Variants in IFI27L1 observed in about 807,000 individuals in gnomAD.
The protein encoded by IFI27L1 is interferon alpha-inducible protein 27-like protein 1.
A neutral mutation model predicts 9.2 loss-of-function variants in IFI27L1; 3 were observed. The observed-to-expected ratio is 0.32, with a 90% CI of 0.15 to 0.84. The LOEUF is 0.84. IFI27L1 is among the 40% of genes least tolerant of loss of function. The pLI, the probability that IFI27L1 is intolerant of heterozygous loss-of-function variation, is 0.56. For missense variants in IFI27L1, 133 were observed against 134.2 expected (o/e 0.99, Z 0.05); for synonymous variants, 53 against 50.0 (o/e 1.06, Z -0.26).
intron 2 of IFI27L1, among the ~76,000 whole-genome samples, chr14:94,097,919 A>G (rs536698905): frequency 2.0e-5 from 3 of 152,186 alleles, no homozygotes; most frequent in South Asian, 2.1e-4. Context: ...GAGCACATCA[A>G]TCTGCAAGTC....
intron 3 of IFI27L1, 190 bp downstream of exon 3, chr14:94,100,961 T>C: frequency 3.0e-6 from 2 of 658,744 alleles, no homozygotes; most frequent in South Asian, 1.8e-5. Context: ...GCACAGGGCT[T>C]TGGAGGCAGC....
chr14:94,100,647 A>C, intron 2 of IFI27L1, 92 bp from the exon 3 acceptor site: 1 of 1,599,066 alleles, frequency 6.3e-7, no homozygotes, highest in Middle Eastern at 1.9e-4. Flanking sequence ...AGAATAGCAA[A>C]GTTGAATTTG....
intron 1 of IFI27L1, among the ~76,000 whole-genome samples, chr14:94,082,397 G>A (rs576506051): frequency 1.3e-5 from 2 of 151,836 alleles, no homozygotes; most frequent in South Asian, 4.1e-4. Context: ...GCTGCAGCAA[G>A]TTATCCCCAA....
chr14:94,094,160 G>T (rs1229877960), intron 1 of IFI27L1, among the ~76,000 whole-genome samples: 1 of 152,144 alleles, frequency 6.6e-6, no homozygotes, highest in East Asian at 1.9e-4. Flanking sequence ...GATTCAGGGG[G>T]TTAGAGGTCC....
chr14:94,100,648 G>T, intron 2 of IFI27L1, 91 bp from the exon 3 acceptor site: 2 of 1,599,308 alleles, frequency 1.3e-6, no homozygotes, highest in Non-Finnish European at 1.7e-6. Context: ...GAATAGCAAA[G>T]TTGAATTTGA....
chr14:94,091,692 T>A (rs1886480189), intron 1 of IFI27L1, among the ~76,000 whole-genome samples: 1 of 144,238 alleles, frequency 6.9e-6, no homozygotes, highest in Non-Finnish European at 1.5e-5. Flanking sequence ...AAACAATAAC[T>A]CAGAATTTTT....
At chr14:94,092,036 G>T (rs975211670) in intron 1 of IFI27L1, among the ~76,000 whole-genome samples, 6 of 151,630 alleles carry the variant, frequency 4.0e-5, no homozygotes, top group African/African-American at 1.5e-4. Flanking sequence ...TGAGTCAGGA[G>T]AATCGCTTGA....
intron 1 of IFI27L1, among the ~76,000 whole-genome samples, chr14:94,096,380 G>A (rs1220642578): frequency 6.6e-6 from 1 of 152,154 alleles, no homozygotes; most frequent in Non-Finnish European, 1.5e-5. Flanking sequence ...CTACGAACAT[G>A]GGTGTATAAA....
intron 1 of IFI27L1, among the ~76,000 whole-genome samples, chr14:94,087,934 G>T (rs1031202196): frequency 4.6e-5 from 7 of 152,146 alleles, no homozygotes; most frequent in Admixed American, 2.6e-4. Flanking sequence ...GTTAGAACAC[G>T]CCATACCCAG....
At chr14:94,102,128 G>C in intron 4 of IFI27L1, 153 bp downstream of exon 4, 1 of 785,802 alleles carries the variant, frequency 1.3e-6, no homozygotes, top group Non-Finnish European at 2.1e-6. Flanking sequence ...TTGGAGGTGG[G>C]ACCAGGGGTG....
chr14:94,088,855 G>A (rs1252135377), intron 1 of IFI27L1, among the ~76,000 whole-genome samples: 2 of 152,144 alleles, frequency 1.3e-5, no homozygotes, highest in Non-Finnish European at 2.9e-5. Context: ...TTTAAAAATT[G>A]ATTCATAAGG....
At chr14:94,101,033 T>C in intron 3 of IFI27L1, 1 of 594,850 alleles carries the variant, frequency 1.7e-6, no homozygotes, top group Non-Finnish European at 3.0e-6. Context: ...GATGAGTCAT[T>C]GGAGCAGTCA....
Position 94,102,553 on chromosome 14 carries a change from AC to A in IFI27L1, c.305del (p.Pro102LeufsTer18). ...GTALGAWLGS[P>X]PSS The stretch of plus-strand genomic sequence containing the variant: ...CAGCTCTTGGGGCCTGGCTGGGTTC[AC>A]CCCCTTCCAGCTGAACACCACACTG... On this transcript the variant is annotated frameshift_variant, in exon 5 of 5. Transcript: ENST00000555523. LOFTEE classifies it high-confidence loss of function. The A allele has an allele frequency of 2.6e-6, 4 of 1,559,386 alleles. No homozygotes were observed. The highest frequency in any genetic ancestry group is 3.5e-6 in the Non-Finnish European group (4 of 1,152,518).
chr14:94,102,492 C>G lies in IFI27L1; in HGVS notation c.239C>G (p.Ser80Cys), dbSNP rs1161443863. ...ILQSVGAAGL[S>C]VTSKVIGGFA... ...TCTCCCCCAGGGGCAGCTGGACTCTCTGTGACATCTAAAGTTATCGGGGGC... is the reference window on the plus strand; with the variant it reads ...TCTCCCCCAGGGGCAGCTGGACTCTGTGTGACATCTAAAGTTATCGGGGGC... The change falls in exon 5 of 5, where the codon TCT (serine) becomes TGT (cysteine). Residue 80 changes from serine (S) to cysteine (C), a missense_variant. By Grantham distance (112) the Ser-to-Cys change is moderately radical. Coordinates refer to ENST00000555523, the MANE Select transcript of IFI27L1 (RefSeq NM_206949.3). 3.8e-6 allele frequency: 6 copies of G among 1,593,972 alleles called. No individual in the cohort carries two copies. In the South Asian group the frequency reaches 6.8e-5, roughly 18 times the overall value.
At chr14:94,083,711 ATTC>A (rs1886186553) in intron 1 of IFI27L1, among the ~76,000 whole-genome samples, 1 of 152,242 alleles carries the variant, frequency 6.6e-6, no homozygotes, top group Non-Finnish European at 1.5e-5. Flanking sequence ...TCATTGTACT[ATTC>A]TTTCAACTTT....
At chr14:94,084,616 G>T (rs978612771) in intron 1 of IFI27L1, among the ~76,000 whole-genome samples, 15 of 152,236 alleles carry the variant, frequency 9.9e-5, no homozygotes, top group African/African-American at 3.6e-4. Flanking sequence ...GGCAGGGGGA[G>T]ATTTGTGCAG....
chr14:94,089,641 C>T (rs1477101689), intron 1 of IFI27L1, among the ~76,000 whole-genome samples: 1 of 152,110 alleles, frequency 6.6e-6, no homozygotes, highest in African/African-American at 2.4e-5. Context: ...AATGCGTAAC[C>T]TCCTGGGAAT....
chr14:94,094,314 G>GA (rs1381929187), intron 1 of IFI27L1, among the ~76,000 whole-genome samples: 2 of 152,108 alleles, frequency 1.3e-5, no homozygotes, highest in African/African-American at 4.8e-5. Context: ...ATGGGACATT[G>GA]GGAGCTTTTT....
At chr14:94,101,712 A>C in intron 3 of IFI27L1, 102 bp from the exon 4 acceptor site, 3 of 1,232,104 alleles carry the variant, frequency 2.4e-6, no homozygotes, top group South Asian at 2.7e-5. Flanking sequence ...GTCTTTCCTG[A>C]GAGCACAGCA....
Sources: allele counts gnomAD v4.1 joint callset (sites outside exome capture counted in the v4.1 genomes callset), GRCh38; gene constraint gnomAD v4.1.1; transcripts MANE v1.5; gene names NCBI Gene and HGNC (gene_info 2026-07-23, HGNC 2026-07-21).